The following FHIT variants were observed in gnomAD, a reference collection of about 807,000 sequenced individuals.
FHIT encodes fragile histidine triad diadenosine triphosphatase.
FHIT carries 19 observed loss-of-function variants against 17.9 expected under a neutral mutation model. The ratio of observed to expected loss-of-function variants is 1.06; its 90% CI spans 0.74 to 1.56. The LOEUF (loss-of-function observed/expected upper bound fraction) is 1.56, where lower values mean the gene tolerates loss of function less well. Ranked by LOEUF, FHIT falls within the 40% of genes most tolerant of loss-of-function variation. The pLI is 0.00. For synonymous variants in FHIT, 81 were observed against 69.7 expected (o/e 1.16, Z -0.81); for missense variants, 248 against 189.2 (o/e 1.31, Z -1.82).
chr3:60,874,337 G>C (rs559000916), intron 3 of FHIT, among the ~76,000 whole-genome samples: 6 of 152,258 alleles, frequency 3.9e-5, no homozygotes, highest in South Asian at 2.1e-4. Context: ...GTGCATCCTA[G>C]GTCTGAAGAT....
At chr3:61,128,951 C>T (rs1285692630) in intron 2 of FHIT, among the ~76,000 whole-genome samples, 1 of 152,066 alleles carries the variant, frequency 6.6e-6, no homozygotes. Context: ...AGGAAAAATG[C>T]CAAGCTCCAG....
chr3:60,574,523 A>C lies in FHIT; in HGVS notation c.-17-37544T>G, dbSNP rs73834239. Among the ~76,000 whole-genome samples the C allele has an allele frequency of 1.6e-3, 241 of 152,150 alleles. 2 individuals are homozygous for C. Among genetic ancestry groups the C allele is most frequent in the African/African-American group, 5.6e-3 (233 of 41,518 alleles). On this transcript the variant is annotated intron_variant, in intron 4 of 9. Coordinates refer to ENST00000492590, the MANE Select transcript of FHIT (RefSeq NM_002012.4). The stretch of plus-strand genomic sequence containing the variant: ...TTAGACGAGCCTTCAGCCCCAACTG[A>C]AAGGGATATATTGTGGAGCACTCAC...
At chr3:60,895,703 TTTCTTTCTTTC>T (rs1705768514) in intron 3 of FHIT, among the ~76,000 whole-genome samples, 1 of 146,664 alleles carries the variant, frequency 6.8e-6, no homozygotes, top group Non-Finnish European at 1.5e-5. Flanking sequence ...TCTTTCTTTC[TTTCTTTCTTTC>T]TTTCTTTCTT....
chr3:60,635,381 G>A (rs1447347806), intron 4 of FHIT, among the ~76,000 whole-genome samples: 1 of 152,160 alleles, frequency 6.6e-6, no homozygotes, highest in African/African-American at 2.4e-5. Context: ...GCCAATTTCT[G>A]GCCTCCCTTT....
At chr3:60,275,797 T>C (rs561175821) in intron 5 of FHIT, among the ~76,000 whole-genome samples, 16 of 152,180 alleles carry the variant, frequency 1.1e-4, no homozygotes, top group Non-Finnish European at 4.4e-5. Flanking sequence ...TATCTTCTCA[T>C]GTGGTCTTTC....
intron 5 of FHIT, among the ~76,000 whole-genome samples, chr3:60,390,433 T>C (rs1701182705): frequency 1.5e-5 from 2 of 134,558 alleles, no homozygotes; most frequent in African/African-American, 3.1e-5. Flanking sequence ...AAAAAACCCG[T>C]ACCCTCTAGT....
intron 3 of FHIT, among the ~76,000 whole-genome samples, chr3:60,845,445 G>A (rs1702892717): frequency 6.6e-6 from 1 of 152,136 alleles, no homozygotes; most frequent in South Asian, 2.1e-4. Flanking sequence ...GCAGAGCACA[G>A]AGAGAAAGAT....
intron 6 of FHIT, among the ~76,000 whole-genome samples, chr3:60,013,331 T>A (rs1416815187): frequency 6.6e-6 from 1 of 152,188 alleles, no homozygotes; most frequent in Non-Finnish European, 1.5e-5. Context: ...TTCAGAGCCA[T>A]GAAGGACTTT....
intron 4 of FHIT, among the ~76,000 whole-genome samples, chr3:60,578,237 G>C (rs2037635338): frequency 6.6e-6 from 1 of 152,030 alleles, no homozygotes; most frequent in African/African-American, 2.4e-5. Context: ...AAGATATTGA[G>C]ACCATCCTGG....
intron 5 of FHIT, among the ~76,000 whole-genome samples, chr3:60,084,509 C>T (rs1454687644): frequency 6.6e-6 from 1 of 151,956 alleles, no homozygotes; most frequent in Admixed American, 6.6e-5. Context: ...ATTATATAAG[C>T]TAAAATTGTA....
At chr3:60,627,538 C>T (rs1362994839) in intron 4 of FHIT, among the ~76,000 whole-genome samples, 1 of 152,132 alleles carries the variant, frequency 6.6e-6, no homozygotes, top group Non-Finnish European at 1.5e-5. Flanking sequence ...TGGAGTCTCG[C>T]TCTGCCACCC....
chr3:60,849,949 T>C lies in FHIT; in HGVS notation c.-110-27938A>G, dbSNP rs1485272762. On this transcript the variant is annotated intron_variant, in intron 3 of 9. Transcript: ENST00000492590. ...TCTAAGTTGAAAAAACTCTAATCTC[T>C]CAGGTCAGGCTAACTATTTCCTTCC... 7.9e-5 allele frequency among the ~76,000 whole-genome samples: 12 copies of C among 152,100 alleles called. 1 individual carries two copies. The highest frequency in any genetic ancestry group is 7.9e-4 in the Admixed American group (12 of 15,266).
chr3:60,629,906 C>T (rs994570337), intron 4 of FHIT, among the ~76,000 whole-genome samples: 1 of 152,172 alleles, frequency 6.6e-6, no homozygotes, highest in African/African-American at 2.4e-5. Flanking sequence ...TTCTCAGAGC[C>T]TAAAACAGTG....
chr3:60,416,560 T>C (rs913492568), intron 5 of FHIT, among the ~76,000 whole-genome samples: 3 of 152,226 alleles, frequency 2.0e-5, no homozygotes, highest in Non-Finnish European at 2.9e-5. Context: ...ATTTTATTTA[T>C]GGACACTGAA....
intron 5 of FHIT, among the ~76,000 whole-genome samples, chr3:60,455,646 A>G (rs1013369981): frequency 1.3e-5 from 2 of 152,140 alleles, no homozygotes; most frequent in African/African-American, 2.4e-5. Flanking sequence ...GAACAATATA[A>G]TATACTAGAT....
At chr3:60,487,508 C>T (rs868842837) in intron 5 of FHIT, among the ~76,000 whole-genome samples, 46 of 152,164 alleles carry the variant, frequency 3.0e-4, no homozygotes, top group African/African-American at 9.9e-4. Flanking sequence ...TCTCCGAAGT[C>T]ACATTCTTTC....
intron 5 of FHIT, among the ~76,000 whole-genome samples, chr3:60,252,265 A>G (rs1705748971): frequency 6.6e-6 from 1 of 152,192 alleles, no homozygotes; most frequent in Non-Finnish European, 1.5e-5. Flanking sequence ...TATATTGGAC[A>G]TTAACAAACA....
intron 8 of FHIT, among the ~76,000 whole-genome samples, chr3:59,855,731 A>C (rs1312964410): frequency 6.6e-6 from 1 of 152,198 alleles, no homozygotes; most frequent in Non-Finnish European, 1.5e-5. Context: ...AGAAAAGATC[A>C]AAAAAGTCAA....
chr3:60,106,127 A>G (rs1377237969), intron 5 of FHIT, among the ~76,000 whole-genome samples: 2 of 152,192 alleles, frequency 1.3e-5, no homozygotes, highest in African/African-American at 4.8e-5. Context: ...CCTGTTAGAT[A>G]CTTAGTAGCT....
Sources: allele counts gnomAD v4.1 joint callset (sites outside exome capture counted in the v4.1 genomes callset), GRCh38; gene constraint gnomAD v4.1.1; transcripts MANE v1.5; gene names NCBI Gene and HGNC (gene_info 2026-07-23, HGNC 2026-07-21).